WIPF2: variants seen among roughly 807,000 people sequenced by gnomAD.
WIPF2 encodes the protein WAS/WASL-interacting protein family member 2.
In WIPF2, 23 loss-of-function variants were observed where a neutral mutation model predicts 38.8. That is an observed-to-expected ratio of 0.59 (90% confidence interval 0.43 to 0.84). WIPF2 has a LOEUF of 0.84. Among genes scored for constraint, WIPF2 ranks in the 40% least tolerant of loss-of-function variants. WIPF2 has a pLI of 0.00. For missense variants in WIPF2, 574 were observed against 580.5 expected (o/e 0.99, Z 0.11); for synonymous variants, 210 against 223.2 (o/e 0.94, Z 0.53).
At chr17:40,228,324 C>A (rs1461310112) in intron 1 of WIPF2, among the ~76,000 whole-genome samples, 1 of 152,060 alleles carries the variant, frequency 6.6e-6, no homozygotes, top group Non-Finnish European at 1.5e-5. Flanking sequence ...CATTTTTATA[C>A]CTCTTTTGAC....
chr17:40,252,385 C>T lies in WIPF2; in HGVS notation c.-69-4006C>T, dbSNP rs146679530. On this transcript the variant is annotated intron_variant, in intron 1 of 7. Transcript: ENST00000323571. ...GGCTGATAGAACTAGAAACCCAGGC[C>T]GGGCATGGTGGCTCACCCCTGTAAT... 3.2e-3 allele frequency among the ~76,000 whole-genome samples: 486 copies of T among 152,204 alleles called. 4 individuals are homozygous for T. The highest frequency in any genetic ancestry group is 0.011 in the African/African-American group (462 of 41,526).
At chr17:40,271,913 C>T (rs955653118) in intron 5 of WIPF2, among the ~76,000 whole-genome samples, 2 of 152,104 alleles carry the variant, frequency 1.3e-5, no homozygotes, top group African/African-American at 2.4e-5. Flanking sequence ...TTTCTTGACA[C>T]ATGCTTTTGA....
chr17:40,224,493 G>A (rs1420623240), intron 1 of WIPF2, among the ~76,000 whole-genome samples: 1 of 142,580 alleles, frequency 7.0e-6, no homozygotes, highest in Non-Finnish European at 1.5e-5. Context: ...TGATCCACCC[G>A]CCTCGGCCTC....
At chr17:40,230,361 T>A (rs2030687943) in intron 1 of WIPF2, among the ~76,000 whole-genome samples, 1 of 151,774 alleles carries the variant, frequency 6.6e-6, no homozygotes, top group Admixed American at 6.6e-5. Context: ...ACTAAAAGAG[T>A]AATAGGATAG....
intron 5 of WIPF2, among the ~76,000 whole-genome samples, chr17:40,269,679 A>ACTG (rs2032191508): frequency 7.8e-6 from 1 of 128,184 alleles, no homozygotes; most frequent in African/African-American, 3.1e-5. Flanking sequence ...ATCTCGGCTC[A>ACTG]CTGCAAGCTC....
In WIPF2 at chr17:40,277,133, C is replaced by T; in HGVS notation, c.1231C>T (p.Pro411Ser). The T allele has an allele frequency of 6.2e-7, 1 of 1,613,300 alleles. No homozygotes were observed. The highest frequency in any genetic ancestry group is 8.5e-7 in the Non-Finnish European group (1 of 1,179,688). ...SFHPVEDFPAPEEYKHFQRIY... is the reference protein window; with the variant it reads ...SFHPVEDFPASEEYKHFQRIY... ...CCATCCAGTAGAAGACTTTCCTGCT[C>T]CAGAAGAATATAAACACTTTCAGAG... The change falls in exon 7 of 8, where the codon CCA (proline) becomes TCA (serine). Residue 411 changes from proline to serine, a missense_variant. Coordinates refer to ENST00000323571, the MANE Select transcript of WIPF2 (RefSeq NM_133264.5).
chr17:40,262,370 A>T (rs1380424930), intron 3 of WIPF2, among the ~76,000 whole-genome samples, 155 bp from the exon 4 acceptor site: 1 of 152,162 alleles, frequency 6.6e-6, no homozygotes, highest in Non-Finnish European at 1.5e-5. Context: ...AGCATGAGCC[A>T]CTGTACCAGG....
At chr17:40,238,602 C>CT (rs1469344766) in intron 1 of WIPF2, among the ~76,000 whole-genome samples, 1 of 151,778 alleles carries the variant, frequency 6.6e-6, no homozygotes, top group East Asian at 1.9e-4. Context: ...TGCACCTGCC[C>CT]TTATTTATTT....
chr17:40,242,103 A>G (rs542473208), intron 1 of WIPF2, among the ~76,000 whole-genome samples: 1 of 152,310 alleles, frequency 6.6e-6, no homozygotes, highest in East Asian at 1.9e-4. Context: ...TAGCTGTAAT[A>G]CAATTTTACA....
rs776293841 is a variant in WIPF2, at chr17:40,264,854, T to A, written c.678T>A (p.Ala226=). The A allele has an allele frequency of 6.2e-7, 1 of 1,614,010 alleles. No individual in the cohort carries two copies. Among genetic ancestry groups the A allele is most frequent in the Non-Finnish European group, 8.5e-7 (1 of 1,180,016 alleles). ...RLHPGREGPP[A]PPPVKPPPSP... ...ACCCTGGTCGAGAGGGACCTCCTGC[T>A]CCACCCCCAGTCAAACCACCTCCTT... Residue 226 remains alanine, a synonymous_variant, in exon 5 of 8, where the codon GCT becomes GCA. Transcript: ENST00000323571.
At chr17:40,226,837 G>A (rs1395187671) in intron 1 of WIPF2, among the ~76,000 whole-genome samples, 2 of 152,138 alleles carry the variant, frequency 1.3e-5, no homozygotes, top group African/African-American at 2.4e-5. Flanking sequence ...TGCCTCCTGA[G>A]TTCAAGCGAT....
In WIPF2 at chr17:40,219,313, G is replaced by T; in HGVS notation, c.-249G>T. 1 of 294,944 alleles carries T rather than the reference G, an allele frequency of 3.4e-6. No homozygotes were observed. Among genetic ancestry groups the T allele is most frequent in the South Asian group, 4.0e-5 (1 of 24,798 alleles). 18.3% of individuals were successfully genotyped at this position (294,944 alleles called of 1,614,324 possible). On this transcript the variant is annotated 5_prime_UTR_variant, in exon 1 of 8. Transcript: ENST00000323571. ...TTTTTCCCCCGCCTCCATTTTGTTCGCGGACGCTGGGGACGGTGGGAGCAG... is the reference window on the plus strand; with the variant it reads ...TTTTTCCCCCGCCTCCATTTTGTTCTCGGACGCTGGGGACGGTGGGAGCAG...
intron 2 of WIPF2, among the ~76,000 whole-genome samples, chr17:40,259,165 C>G (rs1426822662): frequency 1.3e-5 from 2 of 150,814 alleles, no homozygotes; most frequent in African/African-American, 4.9e-5. Context: ...AGGTGTGAGC[C>G]ACTGTGCCGG....
At chr17:40,228,752 C>T (rs1378299285) in intron 1 of WIPF2, among the ~76,000 whole-genome samples, 1 of 151,986 alleles carries the variant, frequency 6.6e-6, no homozygotes, top group Admixed American at 6.6e-5. Context: ...CCTCAGCCTC[C>T]TGTGTAGCTG....
chr17:40,259,994 C>T (rs1405127691), intron 2 of WIPF2, among the ~76,000 whole-genome samples: 5 of 152,010 alleles, frequency 3.3e-5, no homozygotes, highest in East Asian at 1.9e-4. Context: ...GGCCTCCCAT[C>T]AGAAGCTTCT....
chr17:40,235,954 T>G (rs2030951855), intron 1 of WIPF2, among the ~76,000 whole-genome samples: 1 of 151,694 alleles, frequency 6.6e-6, no homozygotes, highest in Non-Finnish European at 1.5e-5. Context: ...TTTGACTGGA[T>G]TAAAAAAATT....
At chr17:40,247,163 T>C (rs2031395670) in intron 1 of WIPF2, among the ~76,000 whole-genome samples, 1 of 148,746 alleles carries the variant, frequency 6.7e-6, no homozygotes, top group Non-Finnish European at 1.5e-5. Context: ...AAAATGGACA[T>C]AGGTGTATGA....
At chr17:40,241,052 C>T (rs1378262986) in intron 1 of WIPF2, among the ~76,000 whole-genome samples, 4 of 151,788 alleles carry the variant, frequency 2.6e-5, no homozygotes, top group South Asian at 2.1e-4. Flanking sequence ...TCAACATATT[C>T]ATCAGCTTTT....
intron 1 of WIPF2, among the ~76,000 whole-genome samples, chr17:40,241,516 G>T (rs1225858463): frequency 1.3e-5 from 2 of 152,116 alleles, no homozygotes; most frequent in African/African-American, 4.8e-5. Flanking sequence ...GTTGGCTGAT[G>T]GTAATAACTT....
Sources: allele counts gnomAD v4.1 joint callset (sites outside exome capture counted in the v4.1 genomes callset), GRCh38; gene constraint gnomAD v4.1.1; transcripts MANE v1.5; gene names NCBI Gene and HGNC (gene_info 2026-07-23, HGNC 2026-07-21).